Variants in ITGAV observed in about 807,000 individuals in gnomAD.
The protein encoded by ITGAV is integrin alpha-V.
Under a neutral mutation model 143.8 loss-of-function variants are expected in ITGAV, and 76 were observed. That is an observed-to-expected ratio of 0.53 (90% CI 0.44 to 0.64). ITGAV has a LOEUF of 0.64. Among genes scored for constraint, ITGAV ranks in the 30% least tolerant of loss-of-function variants. ITGAV has a pLI of 0.00. For missense variants in ITGAV, 1,193 were observed against 1,274.7 expected, an observed-to-expected ratio of 0.94 and a Z score of 0.98; for synonymous variants, 453 against 446.7, an observed-to-expected ratio of 1.01 and a Z score of -0.18.
chr2:186,590,554 C>A, intron 1 of ITGAV, 31 bp downstream of exon 1: 1 of 1,576,250 alleles, frequency 6.3e-7, no homozygotes. Context: ...CTGGAGCCGG[C>A]CCCCTCCCCC....
At position 186,665,142 on chromosome 2, in the gene ITGAV, C is replaced by A; in HGVS notation, c.2090C>A (p.Ser697Tyr). 1 of 1,599,300 alleles carries A rather than the reference C, an allele frequency of 6.3e-7. No homozygotes were observed. Among genetic ancestry groups the A allele is most frequent in the Non-Finnish European group, 8.5e-7 (1 of 1,172,664 alleles). ...VRNNEALARL[S>Y]CAFKTENQTR... The stretch of plus-strand genomic sequence containing the variant: ...CTATCAAAGGCCTTAGCAAGACTTT[C>A]CTGTGCATTTAAGACAGAAAACCAA... Residue 697 changes from serine (S) to tyrosine (Y), a missense_variant, in exon 21 of 30, where the codon TCC (serine) becomes TAC (tyrosine). Ser to Tyr is a moderately radical substitution (Grantham distance 144). Transcript: ENST00000261023.
intron 22 of ITGAV, 93 bp downstream of exon 22, chr2:186,666,876 G>T: frequency 6.5e-6 from 4 of 618,424 alleles, no homozygotes; most frequent in South Asian, 6.6e-5. Context: ...TAAAGTAGCA[G>T]ATTAAATTTT....
chr2:186,674,473 A>T (rs954674077), intron 26 of ITGAV, among the ~76,000 whole-genome samples: 17 of 151,804 alleles, frequency 1.1e-4, no homozygotes, highest in Non-Finnish European at 4.4e-5. Flanking sequence ...CTACAAAGAG[A>T]TAGCTTTACT....
chr2:186,593,771 T>C (rs984583979), intron 1 of ITGAV, among the ~76,000 whole-genome samples: 5 of 77,390 alleles, frequency 6.5e-5, no homozygotes, highest in African/African-American at 1.8e-4. Context: ...AGTCTAGTTA[T>C]TTGAGTAGGT....
chr2:186,606,310 G>T (rs1334336296), intron 2 of ITGAV, among the ~76,000 whole-genome samples: 2 of 152,172 alleles, frequency 1.3e-5, no homozygotes, highest in Admixed American at 6.5e-5. Flanking sequence ...CCTCCCTGGG[G>T]CTCAAACCCT....
rs1688101787 is a variant in ITGAV at position 186,641,488 on chromosome 2, A to G, written c.1059A>G (p.Ser353=). The change falls in exon 12 of 30, where the codon TCA becomes TCG. Residue 353 remains serine (S), a synonymous_variant. Coordinates refer to ENST00000261023, the MANE Select transcript of ITGAV (RefSeq NM_002210.5). ...TCTCAGTGTCTCTACAGAGAGCTTCAGGAGACTTCCAGACGACAAAGCTGA... is the reference window on the plus strand; with the variant it reads ...TCTCAGTGTCTCTACAGAGAGCTTCGGGAGACTTCCAGACGACAAAGCTGA... ...GQVSVSLQRA[S]GDFQTTKLNG... The G allele has an allele frequency of 6.2e-7, 1 of 1,614,154 alleles. No individual in the cohort carries two copies. The highest frequency in any genetic ancestry group is 1.1e-5 in the South Asian group (1 of 91,082).
intron 2 of ITGAV, among the ~76,000 whole-genome samples, chr2:186,615,001 A>G (rs1448222658): frequency 6.6e-6 from 1 of 152,084 alleles, no homozygotes; most frequent in Admixed American, 6.5e-5. Context: ...TGTGTCCAAC[A>G]TCAGTCTCTC....
chr2:186,662,508 T>C (rs1018947825), intron 18 of ITGAV, among the ~76,000 whole-genome samples: 1 of 152,246 alleles, frequency 6.6e-6, no homozygotes, highest in Non-Finnish European at 1.5e-5. Context: ...TAATTTAACG[T>C]TAAAAGCTGA....
intron 26 of ITGAV, among the ~76,000 whole-genome samples, chr2:186,674,712 A>G (rs146554546): frequency 6.5e-4 from 98 of 151,928 alleles, no homozygotes; most frequent in African/African-American, 2.3e-3. Context: ...GCATTTCACC[A>G]TGTTGGCCAG....
rs368424922 is a variant in ITGAV, at chr2:186,667,783, A to G, written c.2433+7A>G. 2.2e-5 allele frequency: 35 copies of G among 1,573,972 alleles called. No homozygotes were observed. In the African/African-American group the frequency reaches 4.3e-4, roughly 19 times the overall value. ...TGTTCAGCACATCTATGAGGTTTGC[A>G]GTTGTTAGATTTTACTCAAACCTCG... is the stretch of plus-strand genomic sequence containing the variant. On this transcript the variant is annotated splice_region_variant and intron_variant, in intron 24 of 29. Coordinates refer to ENST00000261023, the MANE Select transcript of ITGAV (RefSeq NM_002210.5).
rs1045336352 is a variant in ITGAV at position 186,679,021 on chromosome 2, G to A, written c.*1729G>A. On this transcript the variant is annotated 3_prime_UTR_variant, in exon 30 of 30. Coordinates refer to ENST00000261023, the MANE Select transcript of ITGAV (RefSeq NM_002210.5). ...CTTTAGTGAATTTCAAAAGTAATGG[G>A]TCTTGGAGTATAGATTTTTATTAGT... 5.6e-6 allele frequency: 1 copy of A among 177,030 alleles called. No homozygotes were observed. Among genetic ancestry groups the A allele is most frequent in the Non-Finnish European group, 1.2e-5 (1 of 83,492 alleles). 11.0% of individuals were successfully genotyped at this position (177,030 alleles called of 1,614,324 possible).
chr2:186,610,469 A>C (rs961628373), intron 2 of ITGAV, among the ~76,000 whole-genome samples: 20 of 152,176 alleles, frequency 1.3e-4, no homozygotes, highest in Admixed American at 1.0e-3. Context: ...GCCACAACTA[A>C]GATGTTTTAA....
intron 15 of ITGAV, among the ~76,000 whole-genome samples, chr2:186,653,338 A>G (rs1688495543): frequency 6.6e-6 from 1 of 152,120 alleles, no homozygotes; most frequent in Non-Finnish European, 1.5e-5. Context: ...ATCTTGACCC[A>G]TATACTACCA....
chr2:186,654,935 C>A (rs1688542277), intron 16 of ITGAV, among the ~76,000 whole-genome samples: 1 of 151,984 alleles, frequency 6.6e-6, no homozygotes, highest in Non-Finnish European at 1.5e-5. Context: ...CTAAATAGCC[C>A]ACAGAATGGT....
chr2:186,664,674 C>T lies in ITGAV; in HGVS notation c.2073+33C>T, dbSNP rs769945539. 2.5e-6 allele frequency: 4 copies of T among 1,613,004 alleles called. No homozygotes were observed. In the Admixed American group the frequency reaches 6.7e-5, roughly 27 times the overall value. Reference sequence around the variant, plus strand: ...GGCTGCCTCTTTAAAAATTGAAATGCACTCACGGATCTTATTAACATTAAT... The same window carrying T: ...GGCTGCCTCTTTAAAAATTGAAATGTACTCACGGATCTTATTAACATTAAT... On this transcript the variant is annotated intron_variant, in intron 20 of 29. Transcript: ENST00000261023.
At chr2:186,626,257 C>T (rs528151672) in intron 4 of ITGAV, among the ~76,000 whole-genome samples, 1 of 152,246 alleles carries the variant, frequency 6.6e-6, no homozygotes, top group East Asian at 1.9e-4. Context: ...AATATCATGG[C>T]TAAAGATGAC....
At chr2:186,609,667 G>C (rs1291436064) in intron 2 of ITGAV, among the ~76,000 whole-genome samples, 2 of 152,136 alleles carry the variant, frequency 1.3e-5, no homozygotes, top group Admixed American at 6.5e-5. Flanking sequence ...TGACATTTGA[G>C]CTAGCTAATG....
At chr2:186,646,924 T>A in intron 13 of ITGAV, 47 bp downstream of exon 13, 1 of 1,200,298 alleles carries the variant, frequency 8.3e-7, no homozygotes, top group Non-Finnish European at 1.2e-6. Context: ...TCAGTCCTAA[T>A]AGCAAATAGT....
chr2:186,609,463 C>T (rs1280678670), intron 2 of ITGAV, among the ~76,000 whole-genome samples: 2 of 152,084 alleles, frequency 1.3e-5, no homozygotes, highest in African/African-American at 2.4e-5. Context: ...TATCCTGTAA[C>T]ATGATTTTGG....
Sources: allele counts gnomAD v4.1 joint callset (sites outside exome capture counted in the v4.1 genomes callset), GRCh38; gene constraint gnomAD v4.1.1; transcripts MANE v1.5; gene names NCBI Gene and HGNC (gene_info 2026-07-23, HGNC 2026-07-21).